Variants in HDAC9 observed in about 807,000 individuals in gnomAD.
The protein encoded by HDAC9 is MEF-2 interacting transcription repressor (MITR) protein.
HDAC9 carries 41 observed loss-of-function variants against 139.4 expected under a neutral mutation model. The ratio of observed to expected loss-of-function variants is 0.29; its 90% CI spans 0.23 to 0.38. The LOEUF (loss-of-function observed/expected upper bound fraction) is 0.38. HDAC9 is among the 10% of genes least tolerant of loss of function. The pLI is 1.00. For synonymous variants in HDAC9, 517 were observed against 476.2 expected, an observed-to-expected ratio of 1.09 and a Z score of -1.12; for missense variants, 1,147 against 1,297.0, an observed-to-expected ratio of 0.88 and a Z score of 1.78.
At chr7:18,871,034 T>C (rs989774736) in intron 21 of HDAC9, among the ~76,000 whole-genome samples, 1 of 152,192 alleles carries the variant, frequency 6.6e-6, no homozygotes, top group Non-Finnish European at 1.5e-5. Context: ...ATGGTAATTA[T>C]ATATTTTCCT....
intron 16 of HDAC9, among the ~76,000 whole-genome samples, chr7:18,791,874 C>A (rs573211617): frequency 1.3e-5 from 2 of 152,094 alleles, no homozygotes; most frequent in African/African-American, 4.8e-5. Context: ...TCACTAAAAT[C>A]GTATGCAGAT....
intron 22 of HDAC9, among the ~76,000 whole-genome samples, chr7:18,920,946 G>A (rs892113266): frequency 6.6e-6 from 1 of 152,020 alleles, no homozygotes; most frequent in African/African-American, 2.4e-5. Context: ...ACAACTATCT[G>A]ATCTTTGACA....
At chr7:18,380,454 G>C (rs1303485646) in intron 1 of HDAC9, among the ~76,000 whole-genome samples, 1 of 152,182 alleles carries the variant, frequency 6.6e-6, no homozygotes, top group African/African-American at 2.4e-5. Context: ...GGCAGAAAGA[G>C]ACCAAAGCAT....
chr7:18,737,116 C>G (rs1468817193), intron 13 of HDAC9, among the ~76,000 whole-genome samples: 1 of 151,258 alleles, frequency 6.6e-6, no homozygotes, highest in African/African-American at 2.4e-5. Context: ...CTATTTGATT[C>G]TTCTCTCTTT....
chr7:18,866,693 G>A (rs1798524916), intron 21 of HDAC9, among the ~76,000 whole-genome samples: 1 of 152,226 alleles, frequency 6.6e-6, no homozygotes, highest in South Asian at 2.1e-4. Context: ...TTAAGATGTT[G>A]TGAAATTTGC....
intron 2 of HDAC9, among the ~76,000 whole-genome samples, chr7:18,278,393 A>G (rs1227010176): frequency 1.3e-5 from 2 of 152,244 alleles, no homozygotes; most frequent in Non-Finnish European, 2.9e-5. Context: ...ATGGAAGAAC[A>G]TGGTAGAGGA....
chr7:18,122,522 A>AT (rs535372057), intron 1 of HDAC9, among the ~76,000 whole-genome samples: 95 of 151,968 alleles, frequency 6.3e-4, no homozygotes, highest in African/African-American at 2.2e-3. Flanking sequence ...AGAAATGGAT[A>AT]TTTTTTTTGA....
chr7:18,150,397 G>C (rs1326338948), intron 1 of HDAC9, among the ~76,000 whole-genome samples: 1 of 152,168 alleles, frequency 6.6e-6, no homozygotes, highest in South Asian at 2.1e-4. Context: ...GATGTCCAGA[G>C]AGACAGGGAA....
chr7:18,732,878 C>A (rs565645575), intron 13 of HDAC9, among the ~76,000 whole-genome samples: 1 of 68,350 alleles, frequency 1.5e-5, no homozygotes. Context: ...TACACACACA[C>A]GTGTGCGTAT....
intron 1 of HDAC9, among the ~76,000 whole-genome samples, chr7:18,385,373 A>G (rs1785822055): frequency 6.6e-6 from 1 of 152,160 alleles, no homozygotes; most frequent in African/African-American, 2.4e-5. Flanking sequence ...ATAACACCAT[A>G]AGAAATGAAT....
At chr7:18,512,131 G>A (rs141104550) in intron 2 of HDAC9, among the ~76,000 whole-genome samples, 562 of 151,978 alleles carry the variant, frequency 3.7e-3, no homozygotes, top group African/African-American at 0.013. Flanking sequence ...AGGGAAGTAA[G>A]TATTGTTGAC....
At chr7:18,609,918 G>T (rs770007173) in intron 6 of HDAC9, among the ~76,000 whole-genome samples, 32 of 152,000 alleles carry the variant, frequency 2.1e-4, no homozygotes, top group Non-Finnish European at 4.0e-4. Flanking sequence ...TGAGAATGAT[G>T]GTTTCCAGCT....
Position 18,379,765 on chromosome 7 carries a change from C to A in HDAC9, c.-42+89250C>A, listed in dbSNP as rs566903367. 9.2e-5 allele frequency among the ~76,000 whole-genome samples: 14 copies of A among 152,256 alleles called. No individual in the cohort carries two copies. In the East Asian group the frequency reaches 2.5e-3, roughly 27 times the overall value. ...CATTGTGTAGTTTTTCTGAGGCTTG[C>A]GGTACATTATTGGCAAATAATTATA... On this transcript the variant is annotated intron_variant, in intron 1 of 3. Coordinates refer to the HDAC9 transcript ENST00000413509.
chr7:18,302,546 C>T (rs1213635436), intron 1 of HDAC9, among the ~76,000 whole-genome samples: 1 of 152,178 alleles, frequency 6.6e-6, no homozygotes, highest in African/African-American at 2.4e-5. Context: ...TCAGTTTCTT[C>T]ATCCATAATG....
At chr7:18,689,458 G>A (rs753646077) in intron 12 of HDAC9, among the ~76,000 whole-genome samples, 6 of 151,824 alleles carry the variant, frequency 4.0e-5, no homozygotes, top group Non-Finnish European at 8.8e-5. Flanking sequence ...AAGGCAAAGA[G>A]GAAGAAAAAT....
rs111468307 is a variant in HDAC9, at chr7:18,468,835, T to C, written c.-41-27427T>C. 8.1e-3 allele frequency among the ~76,000 whole-genome samples: 1,227 copies of C among 152,340 alleles called. 19 individuals carry two copies. Among genetic ancestry groups the C allele is most frequent in the African/African-American group, 0.028 (1,165 of 41,578 alleles). On this transcript the variant is annotated intron_variant, in intron 1 of 3. Coordinates refer to the HDAC9 transcript ENST00000413509. ...TTGTCTTCCATTTCTAAGTGCCAGA[T>C]ATTTCTTTATATTCTCTGAGCCTCC...
intron 2 of HDAC9, among the ~76,000 whole-genome samples, chr7:18,552,440 A>G (rs548457930): frequency 7.0e-6 from 1 of 142,852 alleles, no homozygotes; most frequent in African/African-American, 2.5e-5. Context: ...CAACAAAGTT[A>G]AAAAAAAAAG....
In HDAC9 at chr7:18,464,079, T is replaced by C. The variant is rs116099272; in HGVS notation, c.-41-32183T>C. Among the ~76,000 whole-genome samples, 899 of 152,132 alleles carry C rather than the reference T, an allele frequency of 5.9e-3. 11 individuals carry two copies. The highest frequency in any genetic ancestry group is 0.021 in the African/African-American group (854 of 41,570). On this transcript the variant is annotated intron_variant, in intron 1 of 3. Coordinates refer to the HDAC9 transcript ENST00000413509. The stretch of plus-strand genomic sequence containing the variant: ...CTCCCAGCATGTCTGTTTGTCTATT[T>C]GACTTTTATTTTAAACATATTTCAT...
At chr7:18,211,778 T>G (rs997436681) in intron 2 of HDAC9, among the ~76,000 whole-genome samples, 3 of 151,598 alleles carry the variant, frequency 2.0e-5, no homozygotes, top group African/African-American at 7.3e-5. Flanking sequence ...GAATACAGAG[T>G]GTTGTGAGAG....
Sources: gnomAD v4.1 joint callset for allele counts (sites outside exome capture counted in the v4.1 genomes callset) on GRCh38, gnomAD v4.1.1 for gene constraint, MANE v1.5 for transcripts, NCBI Gene and HGNC (gene_info 2026-07-23, HGNC 2026-07-21) for gene names.